The following LYST variants were observed in gnomAD, a reference collection of about 807,000 sequenced individuals.
LYST encodes lysosomal-trafficking regulator.
Under a neutral mutation model 413.6 loss-of-function variants are expected in LYST, and 192 were observed. The ratio of observed to expected loss-of-function variants is 0.46; its 90% CI spans 0.41 to 0.52. The LOEUF (loss-of-function observed/expected upper bound fraction) is 0.52. Among genes scored for constraint, LYST ranks in the 20% least tolerant of loss-of-function variants. LYST has a pLI of 0.00. For synonymous variants in LYST, 1,525 were observed against 1,567.3 expected (o/e 0.97, Z 0.64); for missense variants, 3,815 against 4,499.9 (o/e 0.85, Z 4.35).
intron 3 of LYST, among the ~76,000 whole-genome samples, chr1:235,820,852 G>C (rs748179574): frequency 1.3e-5 from 2 of 151,976 alleles, no homozygotes; most frequent in African/African-American, 2.4e-5. Context: ...TTCTACATTA[G>C]TACTACAAAT....
At position 235,731,146 on chromosome 1, in the gene LYST, T is replaced by A. The variant is rs759944436; in HGVS notation, c.8833A>T (p.Thr2945Ser). The A allele has an allele frequency of 6.2e-7, 1 of 1,613,972 alleles. No individual in the cohort carries two copies. Residue 2945 changes from threonine (T) to serine (S), a missense_variant, in exon 35 of 53, where the codon ACC (threonine) becomes TCC (serine). By Grantham distance (58) the Thr-to-Ser change is moderately conservative. This residue lies in a region of LYST where 866 missense variants were observed against 1,156.0 expected (regional missense o/e 0.75). Transcript: ENST00000389793. ...TCTGTTGGATCCAACTGCCATGAGG[T>A]TGGATAGTAGATGGGGTCATACCAT... is the stretch of plus-strand genomic sequence containing the variant. ...AVWYDPIYYPTSWQLDPTEGP... is the reference protein window; with the variant it reads ...AVWYDPIYYPSSWQLDPTEGP...
In LYST at chr1:235,741,628, C is replaced by T. The variant is rs2103259575; in HGVS notation, c.8152G>A (p.Gly2718Ser). ...TTGGAACCACTGGCTTTACTTGAACCCTAAAATCAATCAAGATAGGAATGA... is the reference window on the plus strand; with the variant it reads ...TTGGAACCACTGGCTTTACTTGAACTCTAAAATCAATCAAGATAGGAATGA... ...YLVEGFKVSI[G>S]SSKASGSKQQ... The change falls in exon 31 of 53, where the codon GGT (glycine) becomes AGT (serine). Residue 2718 changes from glycine (G) to serine (S), a missense_variant and splice_region_variant. Gly to Ser is a moderately conservative substitution (Grantham distance 56). Around this residue, in one of 4 missense-constraint regions of LYST, gnomAD observed 771 missense variants for 837.1 expected, o/e 0.92. Transcript: ENST00000389793. 2 of 1,611,096 alleles carry T rather than the reference C, an allele frequency of 1.2e-6. No individual in the cohort carries two copies. Among genetic ancestry groups the T allele is most frequent in the East Asian group, 4.5e-5 (2 of 44,862 alleles).
At chr1:235,680,315 G>C (rs1005943785) in intron 48 of LYST, among the ~76,000 whole-genome samples, 1 of 152,158 alleles carries the variant, frequency 6.6e-6, no homozygotes, top group Admixed American at 6.5e-5. Context: ...CAGTGTAGTG[G>C]TGTGATTATA....
intron 31 of LYST, chr1:235,738,746 C>T (rs1290934978): frequency 7.2e-7 from 1 of 1,387,930 alleles, no homozygotes; most frequent in Non-Finnish European, 1.0e-6. Context: ...GCTACACATC[C>T]TGGGCCATTG....
At chr1:235,772,415 T>A (rs987548514) in intron 19 of LYST, among the ~76,000 whole-genome samples, 1 of 152,134 alleles carries the variant, frequency 6.6e-6, no homozygotes, top group Non-Finnish European at 1.5e-5. Context: ...CAATCTAGTT[T>A]TTTTTTTGCA....
chr1:235,754,232 T>TC (rs1053167107), intron 25 of LYST, among the ~76,000 whole-genome samples: 28 of 132,598 alleles, frequency 2.1e-4, no homozygotes, highest in Admixed American at 1.4e-3. Context: ...TTCTTTTCTT[T>TC]TTTTTTTTTT....
intron 45 of LYST, among the ~76,000 whole-genome samples, chr1:235,700,781 G>A (rs6691572): frequency 0.044 from 6,683 of 152,292 alleles, 508 homozygotes; most frequent in African/African-American, 0.15. Flanking sequence ...TTTAAAAAAT[G>A]CTGAGTGTCT....
rs770837885 is a variant in LYST at position 235,810,123 on chromosome 1, C to G, written c.695G>C (p.Gly232Ala). ...ENSREIIPRQGSNTDILSEPA... is the reference protein window; with the variant it reads ...ENSREIIPRQASNTDILSEPA... ...CTCACTTAAAATGTCAGTGTTTGAC[C>G]CCTGTCTTGGAATAATCTCTCTGGA... is the stretch of plus-strand genomic sequence containing the variant. The change falls in exon 5 of 53, where the codon GGG becomes GCG. Residue 232 changes from glycine to alanine, a missense_variant. This residue lies in a region of LYST where 1,648 missense variants were observed against 1,810.3 expected (regional missense o/e 0.91). Coordinates refer to ENST00000389793, the MANE Select transcript of LYST (RefSeq NM_000081.4). 1.2e-5 allele frequency: 20 copies of G among 1,613,994 alleles called. No individual in the cohort carries two copies. The East Asian group carries it at 3.8e-4, about 31-fold the overall frequency.
rs1028122522 is a variant in LYST at position 235,738,910 on chromosome 1, C to G, written c.8358+2512G>C. 5 of 733,120 alleles carry G rather than the reference C, an allele frequency of 6.8e-6. No individual in the cohort carries two copies. The African/African-American group carries it at 6.9e-5, about 10-fold the overall frequency. The allele number at this position is 733,120 out of a possible 1,614,324, so 45.4% of individuals were successfully genotyped here. ...GGAATCTCAGACCGTGTGAAGGTGA[C>G]TCTGACTCCTGAGGAAGGGGCCCAT... On this transcript the variant is annotated intron_variant, in intron 31 of 52. Coordinates refer to ENST00000389793, the MANE Select transcript of LYST (RefSeq NM_000081.4).
At position 235,753,109 on chromosome 1, in the gene LYST, C is replaced by A. The variant is rs148611185; in HGVS notation, c.7395G>T (p.Leu2465Phe). ...ACACATAGAGTAGACCATTATCCAG[C>A]AACATATCTGCTACCTTAGAACAAG... ...LNSCSKVADMLLDNGLLYVLC... is the reference protein window; with the variant it reads ...LNSCSKVADMFLDNGLLYVLC... Residue 2465 changes from leucine (L) to phenylalanine (F), a missense_variant, in exon 26 of 53, where the codon TTG (leucine) becomes TTT (phenylalanine). Leu to Phe is a conservative substitution (Grantham distance 22). Around this residue, in one of 4 missense-constraint regions of LYST, gnomAD observed 771 missense variants for 837.1 expected, o/e 0.92. Coordinates refer to ENST00000389793, the MANE Select transcript of LYST (RefSeq NM_000081.4). 1 of 1,609,212 alleles carries A rather than the reference C, an allele frequency of 6.2e-7. No individual in the cohort carries two copies.
At chr1:235,685,131 C>T (rs1660110339) in intron 48 of LYST, among the ~76,000 whole-genome samples, 1 of 152,184 alleles carries the variant, frequency 6.6e-6, no homozygotes. Flanking sequence ...ATGTTCTTTC[C>T]TCTTTCCTTT....
intron 19 of LYST, among the ~76,000 whole-genome samples, chr1:235,770,699 T>G (rs1233971639): frequency 1.3e-5 from 2 of 152,210 alleles, no homozygotes; most frequent in Non-Finnish European, 2.9e-5. Flanking sequence ...TATGCAGCAT[T>G]TAACCAAAAA....
intron 1 of LYST, among the ~76,000 whole-genome samples, chr1:235,872,203 G>A (rs1680955133): frequency 6.6e-6 from 1 of 150,474 alleles, no homozygotes; most frequent in Non-Finnish European, 1.5e-5. Flanking sequence ...GGCTGAAGCA[G>A]GAGAATTGCT....
intron 10 of LYST, 127 bp from the exon 11 acceptor site, chr1:235,793,739 G>T: frequency 3.9e-6 from 2 of 515,282 alleles, no homozygotes; most frequent in Non-Finnish European, 7.0e-6. Context: ...TCTAGTATAG[G>T]AATCACAAAA....
rs189947436 is a variant in LYST, at chr1:235,681,937, G to A, written c.10801-4318C>T. Among the ~76,000 whole-genome samples, 10 of 152,036 alleles carry A rather than the reference G, an allele frequency of 6.6e-5. No homozygotes were observed. In the East Asian group the frequency reaches 1.7e-3, roughly 27 times the overall value. ...TCCAATGAATCAGCTGTGACACGTTGGGCAAGTTACAAGAAGGATTAACTG... is the reference window on the plus strand; with the variant it reads ...TCCAATGAATCAGCTGTGACACGTTAGGCAAGTTACAAGAAGGATTAACTG... On this transcript the variant is annotated intron_variant, in intron 48 of 52. Transcript: ENST00000389793.
Position 235,781,047 on chromosome 1 carries a change from C to T in LYST, c.5032G>A (p.Val1678Ile). The change falls in exon 16 of 53, where the codon GTT (valine) becomes ATT (isoleucine). Residue 1678 changes from valine (V) to isoleucine (I), a missense_variant. Coordinates refer to ENST00000389793, the MANE Select transcript of LYST (RefSeq NM_000081.4). ...GNLLLFNGAKVGSQEAFYLYA... is the reference protein window; with the variant it reads ...GNLLLFNGAKIGSQEAFYLYA... ...AGATAAAAGGCCTCTTGTGAACCAA[C>T]CTTAGCTCCTGAATAGCAGAAAAAT... The T allele has an allele frequency of 6.2e-7, 1 of 1,606,606 alleles. No homozygotes were observed. Among genetic ancestry groups the T allele is most frequent in the Non-Finnish European group, 8.5e-7 (1 of 1,174,008 alleles).
chr1:235,790,137 C>T (rs958544080), intron 12 of LYST, among the ~76,000 whole-genome samples: 1 of 152,100 alleles, frequency 6.6e-6, no homozygotes, highest in African/African-American at 2.4e-5. Flanking sequence ...TAAGAAAAAA[C>T]TTTCCAATAT....
intron 50 of LYST, among the ~76,000 whole-genome samples, chr1:235,670,908 C>G (rs1471243558): frequency 6.6e-6 from 1 of 152,102 alleles, no homozygotes; most frequent in Non-Finnish European, 1.5e-5. Flanking sequence ...GGAAATAACC[C>G]TAGTAAAACA....
At chr1:235,814,415 C>G (rs187814471) in intron 3 of LYST, among the ~76,000 whole-genome samples, 2 of 152,098 alleles carry the variant, frequency 1.3e-5, no homozygotes, top group African/African-American at 4.8e-5. Flanking sequence ...CAATAGAAGA[C>G]CATCAAGAAT....
Sources: allele counts gnomAD v4.1 joint callset (sites outside exome capture counted in the v4.1 genomes callset), GRCh38; gene constraint gnomAD v4.1.1; regional missense constraint gnomAD v4.1.1; transcripts MANE v1.5; gene names NCBI Gene and HGNC (gene_info 2026-07-23, HGNC 2026-07-21).